AGAP1: variants seen among roughly 807,000 people sequenced by gnomAD.
The protein encoded by AGAP1 is arf-GAP with GTPase, ANK repeat and PH domain-containing protein 1.
In AGAP1, 29 loss-of-function variants were observed where a neutral mutation model predicts 105.3. The ratio of observed to expected loss-of-function variants is 0.28; its 90% CI spans 0.21 to 0.38. The LOEUF (loss-of-function observed/expected upper bound fraction) is 0.38. Ranked by LOEUF, AGAP1 falls within the 10% of genes least tolerant of loss-of-function variation. AGAP1 has a pLI of 1.00. For missense variants in AGAP1, 998 were observed against 1,165.1 expected, an observed-to-expected ratio of 0.86 and a Z score of 2.09; for synonymous variants, 509 against 485.9, an observed-to-expected ratio of 1.05 and a Z score of -0.63.
chr2:235,598,011 C>A (rs376257440), intron 1 of AGAP1, among the ~76,000 whole-genome samples: 8,774 of 115,656 alleles, frequency 0.076, 802 homozygotes, highest in South Asian at 0.16. Flanking sequence ...CGTGCACGCG[C>A]TCCCGTGTTT....
intron 11 of AGAP1, among the ~76,000 whole-genome samples, chr2:235,917,171 C>T (rs77523103): frequency 2.6e-5 from 4 of 152,136 alleles, no homozygotes; most frequent in African/African-American, 9.7e-5. Context: ...TACATCCCCC[C>T]CTTCCCTACT....
intron 1 of AGAP1, among the ~76,000 whole-genome samples, chr2:235,680,306 C>T (rs930406096): frequency 2.0e-5 from 3 of 152,110 alleles, no homozygotes; most frequent in African/African-American, 4.8e-5. Context: ...TTTAATTTGG[C>T]GCGGGAGAAG....
At chr2:235,949,871 C>T (rs897689592) in intron 12 of AGAP1, among the ~76,000 whole-genome samples, 2 of 152,144 alleles carry the variant, frequency 1.3e-5, no homozygotes, top group Admixed American at 6.5e-5. Flanking sequence ...GAAAGTTCTG[C>T]CAGGAAAAAT....
At chr2:236,098,890 TG>T (rs1194141042) in intron 16 of AGAP1, among the ~76,000 whole-genome samples, 1 of 151,848 alleles carries the variant, frequency 6.6e-6, no homozygotes, top group East Asian at 2.0e-4. Context: ...CCCCAAGTGC[TG>T]GGATGACAGG....
At chr2:235,564,120 T>A (rs1013597022) in intron 1 of AGAP1, among the ~76,000 whole-genome samples, 6 of 152,212 alleles carry the variant, frequency 3.9e-5, no homozygotes, top group African/African-American at 1.4e-4. Flanking sequence ...TGTACGTTTT[T>A]TCTTTAGTCC....
rs1419277003 is a variant in AGAP1, at chr2:235,769,132, T to G, written c.673+18644T>G. ...TTGTTTTCCTGGGTATTTTCCCTCT[T>G]CTGGGTTCTTAGTGCCCGTCCCCCG... On this transcript the variant is annotated intron_variant, in intron 6 of 17. Transcript: ENST00000304032. This position sits in a 1 kb window ranked among gnomAD's most constrained non-coding sequence, Gnocchi z 4.4. Among the ~76,000 whole-genome samples the G allele has an allele frequency of 2.0e-5, 3 of 152,320 alleles. No homozygotes were observed. In the East Asian group the frequency reaches 5.8e-4, roughly 29 times the overall value.
rs544125890 is a variant in AGAP1, at chr2:235,723,863, C to T, written c.310+6219C>T. 1.4e-4 allele frequency among the ~76,000 whole-genome samples: 21 copies of T among 152,100 alleles called. No individual in the cohort carries two copies. Among genetic ancestry groups the T allele is most frequent in the African/African-American group, 4.1e-4 (17 of 41,502 alleles). On this transcript the variant is annotated intron_variant, in intron 3 of 17. Transcript: ENST00000304032. The surrounding 1 kb of genome is among the most constrained non-coding windows in gnomAD (Gnocchi z 6.2). ...ACTCCAAGCTGCAAAATGAAAGTACCGAGAGGAAGGTGGGCCATCTGAGAG... is the reference window on the plus strand; with the variant it reads ...ACTCCAAGCTGCAAAATGAAAGTACTGAGAGGAAGGTGGGCCATCTGAGAG...
chr2:235,894,003 C>T (rs1324740271), intron 10 of AGAP1, among the ~76,000 whole-genome samples: 1 of 152,092 alleles, frequency 6.6e-6, no homozygotes, highest in Non-Finnish European at 1.5e-5. Flanking sequence ...CACTGCCTCA[C>T]GTGGCATTAT....
chr2:235,883,267 G>A lies in AGAP1; in HGVS notation c.1051-78G>A. The A allele has an allele frequency of 1.6e-6, 2 of 1,213,666 alleles. No homozygotes were observed. The highest frequency in any genetic ancestry group is 2.4e-6 in the Non-Finnish European group (2 of 828,342). 75.2% of individuals were successfully genotyped at this position (1,213,666 alleles called of 1,614,324 possible). The stretch of plus-strand genomic sequence containing the variant: ...TTCTGCACACACACAGAACTTGAAT[G>A]TATATGTTGCCTGTGTACCTGCCTT... On this transcript the variant is annotated intron_variant, in intron 9 of 17. Coordinates refer to ENST00000304032, the MANE Select transcript of AGAP1 (RefSeq NM_001037131.3). This position sits in a 1 kb window ranked among gnomAD's most constrained non-coding sequence, Gnocchi z 4.5.
In AGAP1 at chr2:235,674,030, T is replaced by G. The variant is rs1004383064; in HGVS notation, c.164-35149T>G. ...GGCTCCTACATACGTGTACCTTTGG[T>G]TTGCCTGTATTCTGAACTGAAGGCA... is the stretch of plus-strand genomic sequence containing the variant. On this transcript the variant is annotated intron_variant, in intron 1 of 17. Coordinates refer to ENST00000304032, the MANE Select transcript of AGAP1 (RefSeq NM_001037131.3). 3.2e-4 allele frequency among the ~76,000 whole-genome samples: 48 copies of G among 152,240 alleles called. 1 individual carries two copies. The highest frequency in any genetic ancestry group is 8.7e-4 in the African/African-American group (36 of 41,476).
intron 1 of AGAP1, among the ~76,000 whole-genome samples, chr2:235,510,030 T>G (rs1360538532): frequency 1.3e-5 from 2 of 152,200 alleles, no homozygotes; most frequent in African/African-American, 4.8e-5. Flanking sequence ...CTCTGATGCC[T>G]GATGATCTGT....
At chr2:235,670,890 T>C (rs1202700662) in intron 1 of AGAP1, 2 of 1,351,258 alleles carry the variant, frequency 1.5e-6, no homozygotes, top group African/African-American at 1.5e-5. Context: ...GAGCACCGGC[T>C]GCTGCGCTTC....
At chr2:235,878,410 A>T (rs2106599946) in intron 9 of AGAP1, among the ~76,000 whole-genome samples, 1 of 152,042 alleles carries the variant, frequency 6.6e-6, no homozygotes, top group Non-Finnish European at 1.5e-5. Context: ...GTGTTGCACA[A>T]CCCCAGGGGC....
At chr2:235,533,345 G>A (rs1364463091) in intron 1 of AGAP1, among the ~76,000 whole-genome samples, 2 of 152,154 alleles carry the variant, frequency 1.3e-5, no homozygotes, top group African/African-American at 4.8e-5. Flanking sequence ...GGATTTTAAT[G>A]GGAAATTATG....
intron 16 of AGAP1, among the ~76,000 whole-genome samples, chr2:236,110,200 AAAGG>A (rs2059608409): frequency 6.6e-6 from 1 of 152,156 alleles, no homozygotes; most frequent in Non-Finnish European, 1.5e-5. Context: ...TAATTGTGTA[AAAGG>A]TTCAGCCTGG....
Position 235,754,055 on chromosome 2 carries a change from T to C in AGAP1, c.673+3567T>C, listed in dbSNP as rs1219754329. On this transcript the variant is annotated intron_variant, in intron 6 of 17. Transcript: ENST00000304032. This position sits in a 1 kb window ranked among gnomAD's most constrained non-coding sequence, Gnocchi z 4.6. The stretch of plus-strand genomic sequence containing the variant: ...TATATAAAGTTGAAGAAATTGAGGC[T>C]CAGAGAAATGACATAGCTTGACCCA... Among the ~76,000 whole-genome samples the C allele has an allele frequency of 6.6e-6, 1 of 152,158 alleles. No homozygotes were observed. Among genetic ancestry groups the C allele is most frequent in the African/African-American group, 2.4e-5 (1 of 41,436 alleles).
rs1363238035 is a variant in AGAP1, at chr2:235,959,020, C to T, written c.1484-9442C>T. On this transcript the variant is annotated intron_variant, in intron 12 of 17. Transcript: ENST00000304032. This position sits in a 1 kb window ranked among gnomAD's most constrained non-coding sequence, Gnocchi z 7.3. ...TGACATTGAATGTGCGGGATGGTGC[C>T]GGCCCATCCCGGCTCAGCGCCGCGC... Among the ~76,000 whole-genome samples the T allele has an allele frequency of 6.6e-6, 1 of 152,196 alleles. No homozygotes were observed. The highest frequency in any genetic ancestry group is 2.4e-5 in the African/African-American group (1 of 41,454).
At chr2:235,538,783 T>C (rs1045383461) in intron 1 of AGAP1, among the ~76,000 whole-genome samples, 5 of 152,274 alleles carry the variant, frequency 3.3e-5, no homozygotes, top group African/African-American at 9.6e-5. Flanking sequence ...CAAGATAGGA[T>C]TTAGTATCCT....
At chr2:235,686,194 A>C (rs540379146) in intron 1 of AGAP1, among the ~76,000 whole-genome samples, 1 of 152,218 alleles carries the variant, frequency 6.6e-6, no homozygotes, top group East Asian at 1.9e-4. Context: ...AGTCCCCCCA[A>C]GTGGTAGCTG....
Sources: gnomAD v4.1 joint callset for allele counts (sites outside exome capture counted in the v4.1 genomes callset) on GRCh38, gnomAD v4.1.1 for gene constraint, Gnocchi (gnomAD v3.1) non-coding constraint, MANE v1.5 for transcripts, NCBI Gene and HGNC (gene_info 2026-07-23, HGNC 2026-07-21) for gene names.